The following CTSE variants were observed in gnomAD, a reference collection of about 807,000 sequenced individuals.
CTSE encodes the protein cathepsin E, also known as erythrocyte membrane aspartic proteinase.
CTSE carries 43 observed loss-of-function variants against 42.8 expected under a neutral mutation model. The observed-to-expected ratio is 1.01, with a 90% CI of 0.79 to 1.30. The LOEUF (loss-of-function observed/expected upper bound fraction) is 1.30. Ranked by LOEUF, CTSE falls within the 50% of genes most tolerant of loss-of-function variation. CTSE has a pLI of 0.00. For missense variants in CTSE, 532 were observed against 493.5 expected (o/e 1.08, Z -0.74); for synonymous variants, 205 against 191.5 (o/e 1.07, Z -0.58).
At position 206,012,603 on chromosome 1, in the gene CTSE, C is replaced by A; in HGVS notation, c.832G>T (p.Ala278Ser). The change falls in exon 7 of 9, where the codon GCC becomes TCC. Residue 278 changes from alanine to serine, a missense_variant. By Grantham distance (99) the Ala-to-Ser change is moderately conservative. Transcript: ENST00000358184. The stretch of plus-strand genomic sequence containing the variant: ...AGGGAAGTCCCTGTGTCCACAATGG[C>A]CTGGCAGCCCTCGGAGCAGAACATA... ...TVMFCSEGCQ[A>S]IVDTGTSLIT... The A allele has an allele frequency of 6.2e-7, 1 of 1,614,010 alleles. No homozygotes were observed. The highest frequency in any genetic ancestry group is 1.3e-5 in the African/African-American group (1 of 75,034).
intron 3 of CTSE, 106 bp downstream of exon 3, chr1:206,022,044 G>C: frequency 1.5e-6 from 1 of 682,566 alleles, no homozygotes; most frequent in Admixed American, 2.9e-5. Context: ...GTGTGGCAGG[G>C]ATGGCCAGTT....
chr1:206,015,946 G>GAAAACATCGGC lies in CTSE; in HGVS notation c.636_646dup (p.Ser216CysfsTer8). The GAAAACATCGGC allele has an allele frequency of 6.2e-7, 1 of 1,613,820 alleles. No individual in the cohort carries two copies. The highest frequency in any genetic ancestry group is 8.5e-7 in the Non-Finnish European group (1 of 1,179,840). ...TGGGCCTTACCTGCTCATGTAGACA[G>GAAAACATCGGC]AAAACATCGGCAAGTCCACCAGGTT... is the stretch of plus-strand genomic sequence containing the variant. On this transcript the variant is annotated frameshift_variant, in exon 5 of 9. Coordinates refer to ENST00000358184, the MANE Select transcript of CTSE (RefSeq NM_001910.4). LOFTEE classifies it high-confidence loss of function.
chr1:206,015,890 G>C (rs1661246723), intron 5 of CTSE, 41 bp downstream of exon 5: 5 of 1,586,076 alleles, frequency 3.2e-6, no homozygotes, highest in Non-Finnish European at 4.3e-6. Flanking sequence ...TCTCCCTGTA[G>C]TTATAACTGA....
rs1467382419 is a variant in CTSE, at chr1:206,023,656, C to T, written c.68+68G>A. The T allele has an allele frequency of 4.0e-6, 6 of 1,494,494 alleles. No homozygotes were observed. The East Asian group carries it at 1.4e-4, about 34-fold the overall frequency. 92.6% of individuals were successfully genotyped at this position (1,494,494 alleles called of 1,614,324 possible). ...TCACCTCCCCATCAGCTTTCCTACC[C>T]CAGAGCAGCCCTGAGTTGCAGGGCA... On this transcript the variant is annotated intron_variant, in intron 1 of 8. Transcript: ENST00000358184.
chr1:206,023,725 T>A lies in CTSE; in HGVS notation c.67A>T (p.Arg23Trp), dbSNP rs143511888. 122 of 1,613,474 alleles carry A rather than the reference T, an allele frequency of 7.6e-5. No homozygotes were observed. In the African/African-American group the frequency reaches 1.5e-3, roughly 20 times the overall value. The change falls in exon 1 of 9, where the codon AGG becomes TGG. Residue 23 changes from arginine (R) to tryptophan (W), a missense_variant and splice_region_variant. Physicochemically the swap from Arg to Trp is moderately radical, Grantham distance 101 (BLOSUM62 -3). Transcript: ENST00000358184. ...CACAGTGCGGGGACGTCTTCTCACC[T>A]GTGAAGGGATCCTTGGGCCTCTCCC... is the stretch of plus-strand genomic sequence containing the variant. Reference protein sequence around the residue: ...ELGEAQGSLHRVPLRRHPSLK... With the variant: ...ELGEAQGSLHWVPLRRHPSLK...
rs1393924580 is a variant in CTSE at position 206,022,900 on chromosome 1, C to T, written c.225+1G>A. The T allele has an allele frequency of 3.8e-6, 6 of 1,569,666 alleles. No homozygotes were observed. The highest frequency in any genetic ancestry group is 4.3e-6 in the Non-Finnish European group (5 of 1,154,036). ...CCAGCCCTGACCCCAGGAGGCCTCA[C>T]ATCCAAGTAGTTGATGAGGGGTTCC... is the stretch of plus-strand genomic sequence containing the variant. On this transcript the variant is annotated splice_donor_variant, in intron 2 of 8. Coordinates refer to ENST00000358184, the MANE Select transcript of CTSE (RefSeq NM_001910.4). LOFTEE classifies it high-confidence loss of function.
At position 206,021,069 on chromosome 1, in the gene CTSE, T is replaced by C; in HGVS notation, c.442A>G (p.Ile148Val). The part of the protein sequence containing the change: ...QYGTGSLSGI[I>V]GADQVSVEGL... ...CTCACAGAGACTTGGTCGGCTCCAA[T>C]GATCCCGGACAAGCTCCCGGTTCCA... The change falls in exon 4 of 9, where the codon ATT becomes GTT. Residue 148 changes from isoleucine to valine, a missense_variant. Physicochemically the swap from Ile to Val is conservative, Grantham distance 29 (BLOSUM62 3). Coordinates refer to ENST00000358184, the MANE Select transcript of CTSE (RefSeq NM_001910.4). 1 of 1,612,088 alleles carries C rather than the reference T, an allele frequency of 6.2e-7. No individual in the cohort carries two copies. The highest frequency in any genetic ancestry group is 1.3e-5 in the African/African-American group (1 of 75,018).
chr1:206,016,359 A>T (rs1661266076), intron 4 of CTSE, among the ~76,000 whole-genome samples: 2 of 152,076 alleles, frequency 1.3e-5, no homozygotes. Flanking sequence ...AAGAAGAGCC[A>T]GTCTCCTGAC....
chr1:206,010,864 T>C (rs1661075642), intron 8 of CTSE, among the ~76,000 whole-genome samples: 1 of 152,100 alleles, frequency 6.6e-6, no homozygotes, highest in Admixed American at 6.5e-5. Context: ...TAGGCATTCC[T>C]TGTTCAAGAG....
rs1235659816 is a variant in CTSE, at chr1:206,022,929, G to T, written c.197C>A (p.Ala66Asp). ...CAAGTAGTTGATGAGGGGTTCCTTG[G>T]CACTCTGGTCCATTGAGCAGGACTC... ...FTESCSMDQS[A>D]KEPLINYLDM... is the part of the protein sequence containing the mutation. Residue 66 changes from alanine to aspartate, a missense_variant, in exon 2 of 9, where the codon GCC (alanine) becomes GAC (aspartate). By Grantham distance (126) the Ala-to-Asp change is moderately radical. Transcript: ENST00000358184. The T allele has an allele frequency of 6.3e-7, 1 of 1,592,212 alleles. No homozygotes were observed. Among genetic ancestry groups the T allele is most frequent in the East Asian group, 2.2e-5 (1 of 44,460 alleles).
chr1:206,012,714 T>C, intron 6 of CTSE, 65 bp from the exon 7 acceptor site: 1 of 1,578,306 alleles, frequency 6.3e-7, no homozygotes, highest in Non-Finnish European at 8.7e-7. Context: ...CTCCCACTCT[T>C]TTTTGGCCTC....
intron 4 of CTSE, among the ~76,000 whole-genome samples, chr1:206,017,815 C>T (rs117417623): frequency 6.6e-6 from 1 of 152,174 alleles, no homozygotes; most frequent in East Asian, 1.9e-4. Context: ...TATCCAGCAA[C>T]TTCGCTAAGT....
At chr1:206,020,982 G>GTA in intron 4 of CTSE, 67 bp downstream of exon 4, 1 of 1,181,850 alleles carries the variant, frequency 8.5e-7, no homozygotes, top group Non-Finnish European at 1.3e-6. Flanking sequence ...GATTTGAAAT[G>GTA]TAAGACCTCT....
At chr1:206,012,798 A>G in intron 6 of CTSE, 149 bp from the exon 7 acceptor site, 2 of 905,744 alleles carry the variant, frequency 2.2e-6, no homozygotes, top group Non-Finnish European at 3.4e-6. Context: ...ACTGAGATCC[A>G]TAGGAAGAAA....
At chr1:206,021,236 C>A in intron 3 of CTSE, 69 bp from the exon 4 acceptor site, 1 of 1,240,968 alleles carries the variant, frequency 8.1e-7, no homozygotes, top group Non-Finnish European at 1.2e-6. Flanking sequence ...CTAATGCCAC[C>A]CAGCCCCACA....
intron 2 of CTSE, 43 bp downstream of exon 2, chr1:206,022,858 C>T: frequency 6.6e-7 from 1 of 1,516,852 alleles, no homozygotes; most frequent in Non-Finnish European, 8.9e-7. Context: ...GGGCCTTCCT[C>T]CCGCTCCCAC....
intron 2 of CTSE, 99 bp downstream of exon 2, chr1:206,022,802 A>G (rs1213592994): frequency 1.7e-6 from 2 of 1,195,448 alleles, no homozygotes; most frequent in Non-Finnish European, 1.2e-6. Context: ...GAAATCCACA[A>G]TGGCCTTCGG....
chr1:206,013,157 A>G (rs1328442837), intron 6 of CTSE, among the ~76,000 whole-genome samples: 1 of 152,012 alleles, frequency 6.6e-6, no homozygotes, highest in African/African-American at 2.4e-5. Flanking sequence ...AACTTGAACT[A>G]CACTTTTCCA....
In CTSE at chr1:206,011,609, G is replaced by A. The variant is rs528190122; in HGVS notation, c.1026+699C>T. ...TTGGGAAGGAGTTAATAGAGGCTTA[G>A]GGGTAGGGCTGAAGCCCTCAGTCTA... is the stretch of plus-strand genomic sequence containing the variant. On this transcript the variant is annotated intron_variant, in intron 8 of 8. Transcript: ENST00000358184. Among the ~76,000 whole-genome samples, 289 of 152,134 alleles carry A rather than the reference G, an allele frequency of 1.9e-3. 1 individual carries two copies. The highest frequency in any genetic ancestry group is 6.5e-3 in the African/African-American group (268 of 41,546).
Sources: gnomAD v4.1 joint callset for allele counts (sites outside exome capture counted in the v4.1 genomes callset) on GRCh38, gnomAD v4.1.1 for gene constraint, MANE v1.5 for transcripts, NCBI Gene and HGNC (gene_info 2026-07-23, HGNC 2026-07-21) for gene names.